Variants in ROBO2 observed in about 807,000 individuals in gnomAD.
The protein encoded by ROBO2 is roundabout homolog 2.
In ROBO2, 53 loss-of-function variants were observed where a neutral mutation model predicts 160.8. The observed-to-expected ratio is 0.33, with a 90% CI of 0.26 to 0.41. ROBO2 has a LOEUF of 0.41. Among genes scored for constraint, ROBO2 ranks in the 10% least tolerant of loss-of-function variants. ROBO2 has a pLI of 1.00. For missense variants in ROBO2, 1,577 were observed against 1,722.4 expected (o/e 0.92, Z 1.49); for synonymous variants, 664 against 611.7 (o/e 1.09, Z -1.26).
At chr3:77,379,338 G>A (rs940619938) in intron 2 of ROBO2, among the ~76,000 whole-genome samples, 4 of 152,038 alleles carry the variant, frequency 2.6e-5, no homozygotes, top group East Asian at 3.9e-4. Context: ...AAAATATGGT[G>A]ACTTAATTTT....
chr3:77,137,200 G>A (rs1296632491), intron 2 of ROBO2, among the ~76,000 whole-genome samples: 1 of 152,120 alleles, frequency 6.6e-6, no homozygotes, highest in African/African-American at 2.4e-5. Context: ...CTTTTCTCAA[G>A]AAAATAAAGC....
At chr3:75,950,809 G>A (rs909782269) in intron 2 of ROBO2, among the ~76,000 whole-genome samples, 1 of 152,020 alleles carries the variant, frequency 6.6e-6, no homozygotes, top group African/African-American at 2.4e-5. Context: ...CTGAGTAACT[G>A]TGGGTATGTG....
At chr3:77,602,896 C>T (rs1475318657) in intron 20 of ROBO2, 1 of 461,498 alleles carries the variant, frequency 2.2e-6, no homozygotes, top group South Asian at 1.5e-5. Context: ...GTGAACTAAT[C>T]ACATGATGCC....
Position 75,937,466 on chromosome 3 carries a change from C to A in ROBO2, c.-13-15C>A, listed in dbSNP as rs765676877. The A allele has an allele frequency of 3.5e-6, 5 of 1,414,968 alleles. No individual in the cohort carries two copies. In the South Asian group the frequency reaches 5.4e-5, roughly 15 times the overall value. The allele number at this position is 1,414,968 out of a possible 1,614,324, so 87.7% of individuals were successfully genotyped here. A position where few individuals can be genotyped will look rare whatever the true frequency, so the allele number is the denominator to read the frequency against. On this transcript the variant is annotated splice_polypyrimidine_tract_variant and intron_variant, in intron 1 of 26. Transcript: ENST00000487694. Reference sequence around the variant, plus strand: ...AATTTATTGTACTTTCACATCCACCCCACTCAATATGCAGAGTTTAAGATG... The same window carrying A: ...AATTTATTGTACTTTCACATCCACCACACTCAATATGCAGAGTTTAAGATG...
intron 2 of ROBO2, among the ~76,000 whole-genome samples, chr3:76,137,493 T>C (rs902881153): frequency 2.0e-5 from 3 of 152,108 alleles, no homozygotes; most frequent in African/African-American, 7.2e-5. Context: ...GTTAGTTCTG[T>C]TTAGAAATAA....
intron 2 of ROBO2, among the ~76,000 whole-genome samples, chr3:77,283,594 T>G (rs1228488642): frequency 1.3e-5 from 2 of 152,184 alleles, no homozygotes; most frequent in Non-Finnish European, 2.9e-5. Flanking sequence ...TGAAATATAT[T>G]CATGCATTAT....
At chr3:77,149,070 C>T (rs2077348811) in intron 2 of ROBO2, among the ~76,000 whole-genome samples, 1 of 143,104 alleles carries the variant, frequency 7.0e-6, no homozygotes, top group African/African-American at 2.6e-5. Context: ...CAGTCTCGCA[C>T]TGTCACCCAG....
chr3:76,301,111 T>C (rs187331458), intron 2 of ROBO2, among the ~76,000 whole-genome samples: 84 of 152,166 alleles, frequency 5.5e-4, no homozygotes, highest in African/African-American at 1.9e-3. Context: ...GATGTTAAGA[T>C]TGACCTTAAC....
chr3:77,051,017 CA>C (rs5850308), intron 1 of ROBO2, among the ~76,000 whole-genome samples: 20,084 of 133,136 alleles, frequency 0.15, 1,755 homozygotes, highest in African/African-American at 0.29. Context: ...GACCCTGTCT[CA>C]AAAAAAAAAA....
chr3:76,768,681 TTTAAA>T (rs1244943611), intron 2 of ROBO2, among the ~76,000 whole-genome samples: 2 of 150,724 alleles, frequency 1.3e-5, no homozygotes, highest in East Asian at 2.0e-4. Context: ...AAAACTTTAG[TTTAAA>T]TTAACAATTA....
intron 2 of ROBO2, among the ~76,000 whole-genome samples, chr3:77,387,083 C>T (rs897657573): frequency 6.6e-6 from 1 of 152,058 alleles, no homozygotes; most frequent in Non-Finnish European, 1.5e-5. Flanking sequence ...TCTTCAGCCT[C>T]GGCCCCATTC....
Position 76,273,128 on chromosome 3 carries a change from T to C in ROBO2, c.109+335526T>C, listed in dbSNP as rs757207220. 6.5e-3 allele frequency among the ~76,000 whole-genome samples: 780 copies of C among 119,876 alleles called. 7 individuals are homozygous for C. Among genetic ancestry groups the C allele is most frequent in the South Asian group, 0.012 (51 of 4,278 alleles). The allele number at this position is 119,876 out of a possible 152,430, so 78.6% of individuals were successfully genotyped here. ...ATACACACACACATATAAATATATA[T>C]ATATATATATATATATATACACATT... is the stretch of plus-strand genomic sequence containing the variant. On this transcript the variant is annotated intron_variant, in intron 2 of 26. Transcript: ENST00000487694.
exon 13 of ROBO2, chr3:77,568,363 C>G (rs2093548797): frequency 6.8e-6 from 11 of 1,613,002 alleles, no homozygotes; most frequent in Non-Finnish European, 9.3e-6. Context: ...GCAGAAAGAG[C>G]TAGGAGATGT....
rs73840984 is a variant in ROBO2 at position 76,422,862 on chromosome 3, T to C, written c.109+485260T>C. On this transcript the variant is annotated intron_variant, in intron 2 of 26. Transcript: ENST00000487694. ...TTTCGAAGGAGAAATGGGTGATAAA[T>C]TAAGGGGTCATGGTAAAGAAAAAGG... 1.3e-3 allele frequency among the ~76,000 whole-genome samples: 202 copies of C among 152,218 alleles called. 1 individual carries two copies. The highest frequency in any genetic ancestry group is 4.7e-3 in the African/African-American group (196 of 41,530).
intron 2 of ROBO2, among the ~76,000 whole-genome samples, chr3:77,310,046 G>GTCTAA (rs2063410737): frequency 6.6e-6 from 1 of 152,088 alleles, no homozygotes. Context: ...TCTATGTACG[G>GTCTAA]TCTAACATGG....
chr3:76,539,650 A>C (rs2082710993), intron 2 of ROBO2, among the ~76,000 whole-genome samples: 1 of 152,238 alleles, frequency 6.6e-6, no homozygotes, highest in Admixed American at 6.5e-5. Context: ...TGAAAAAAGA[A>C]GTCTAAATAT....
chr3:76,413,613 G>C (rs2075607471), intron 2 of ROBO2, among the ~76,000 whole-genome samples: 1 of 152,118 alleles, frequency 6.6e-6, no homozygotes, highest in African/African-American at 2.4e-5. Flanking sequence ...AACGTAACAA[G>C]AGTCACCTTC....
chr3:77,295,869 C>A (rs1167615966), intron 2 of ROBO2, among the ~76,000 whole-genome samples: 4 of 141,336 alleles, frequency 2.8e-5, no homozygotes, highest in Admixed American at 2.2e-4. Flanking sequence ...TAGATCACCC[C>A]AGACACAAAG....
intron 2 of ROBO2, among the ~76,000 whole-genome samples, chr3:76,686,954 C>T (rs749160423): frequency 6.6e-6 from 1 of 152,004 alleles, no homozygotes; most frequent in African/African-American, 2.4e-5. Flanking sequence ...TCAAGGCTTC[C>T]TGCTATATAC....
Sources: gnomAD v4.1 joint callset for allele counts (sites outside exome capture counted in the v4.1 genomes callset) on GRCh38, gnomAD v4.1.1 for gene constraint, MANE v1.5 for transcripts, NCBI Gene and HGNC (gene_info 2026-07-23, HGNC 2026-07-21) for gene names.